The following TIGD6 variants were observed in gnomAD, a reference collection of about 807,000 sequenced individuals.
TIGD6 encodes the protein tigger transposable element derived 6.
Under a neutral mutation model 2.6 loss-of-function variants are expected in TIGD6, and 1 was observed. The ratio of observed to expected loss-of-function variants is 0.39; its 90% confidence interval spans 0.14 to 1.85. The LOEUF (loss-of-function observed/expected upper bound fraction) is 1.85. Ranked by LOEUF, TIGD6 falls within the 40% of genes most tolerant of loss-of-function variation. The probability of loss-of-function intolerance (pLI) is 0.32; values close to 1 mark genes in which losing one functional copy is unlikely to be tolerated. For missense variants in TIGD6, 601 were observed against 634.2 expected (o/e 0.95, Z 0.56); for synonymous variants, 193 against 221.9 (o/e 0.87, Z 1.16).
In TIGD6 at chr5:149,995,732, G is replaced by A. The variant is rs1755368808; in HGVS notation, c.617C>T (p.Ala206Val). 1 of 1,614,212 alleles carries A rather than the reference G, an allele frequency of 6.2e-7. No homozygotes were observed. Among genetic ancestry groups the A allele is most frequent in the African/African-American group, 1.3e-5 (1 of 75,046 alleles). Residue 206 changes from alanine to valine, a missense_variant, in exon 2 of 2, where the codon GCA becomes GTA. Transcript: ENST00000296736. ...KGDHCRGGKKAKQRLTALFCC... is the reference protein window; with the variant it reads ...KGDHCRGGKKVKQRLTALFCC... ...AAAGAGTGCTGTCAACCGCTGCTTT[G>A]CTTTCTTGCCCCCTCTACAGTGGTC...
rs536664945 is a variant in TIGD6 at position 149,994,845 on chromosome 5, T to C, written c.1504A>G (p.Met502Val). The C allele has an allele frequency of 1.1e-5, 18 of 1,582,164 alleles. No homozygotes were observed. Among genetic ancestry groups the C allele is most frequent in the Non-Finnish European group, 1.4e-5 (16 of 1,162,946 alleles). Reference protein sequence around the residue: ...GQLNGIDEYLMKRVTQTLIDS... With the variant: ...GQLNGIDEYLVKRVTQTLIDS... ...ATAAGGGTTTGTGTCACTCTTTTCA[T>C]TAAATATTCATCTATGCCATTTAAT... is the stretch of plus-strand genomic sequence containing the variant. The change falls in exon 2 of 2, where the codon ATG becomes GTG. Residue 502 changes from methionine (M) to valine (V), a missense_variant. Transcript: ENST00000296736.
Position 149,995,323 on chromosome 5 carries a change from C to T in TIGD6, c.1026G>A (p.Glu342=). Residue 342 remains glutamate, a synonymous_variant, in exon 2 of 2, where the codon GAG becomes GAA. Coordinates refer to ENST00000296736, the MANE Select transcript of TIGD6 (RefSeq NM_030953.4). The stretch of plus-strand genomic sequence containing the variant: ...GCTTGATGTCCACCTCTTCTTGATC[C>T]TCACTGCTGTTGAGCTTGAGGAGGA... ...KQILLKLNSS[E]DQEEVDIKQA... The T allele has an allele frequency of 6.2e-7, 1 of 1,614,058 alleles. No homozygotes were observed. Among genetic ancestry groups the T allele is most frequent in the Admixed American group, 1.7e-5 (1 of 60,020 alleles).
chr5:149,998,317 C>CTT (rs1755446062), intron 1 of TIGD6, among the ~76,000 whole-genome samples: 1 of 151,880 alleles, frequency 6.6e-6, no homozygotes, highest in Admixed American at 6.6e-5. Context: ...TAGTACAGTC[C>CTT]CTCTCTGGGC....
At position 149,995,390 on chromosome 5, in the gene TIGD6, T is replaced by G; in HGVS notation, c.959A>C (p.His320Pro). 1 of 1,614,224 alleles carries G rather than the reference T, an allele frequency of 6.2e-7. No homozygotes were observed. The highest frequency in any genetic ancestry group is 8.5e-7 in the Non-Finnish European group (1 of 1,180,036). ...VLQPLNLGII[H>P]TMKVLYQSHL... ...GCTCTGGTACAGTACTTTCATGGTG[T>G]GAATTATGCCAAGATTCAGTGGCTG... The change falls in exon 2 of 2, where the codon CAC (histidine) becomes CCC (proline). Residue 320 changes from histidine (H) to proline (P), a missense_variant. Coordinates refer to ENST00000296736, the MANE Select transcript of TIGD6 (RefSeq NM_030953.4).
chr5:149,995,163 T>C lies in TIGD6; in HGVS notation c.1186A>G (p.Ile396Val). 1 of 1,614,250 alleles carries C rather than the reference T, an allele frequency of 6.2e-7. No homozygotes were observed. Among genetic ancestry groups the C allele is most frequent in the East Asian group, 2.2e-5 (1 of 44,892 alleles). The change falls in exon 2 of 2, where the codon ATT becomes GTT. Residue 396 changes from isoleucine to valine, a missense_variant. By Grantham distance (29) the Ile-to-Val change is conservative. Transcript: ENST00000296736. ...DTESAASEPDIAIEKLWHTVA... is the reference protein window; with the variant it reads ...DTESAASEPDVAIEKLWHTVA... Reference sequence around the variant, plus strand: ...GTGTGCCACAACTTTTCAATGGCAATGTCTGGTTCACTGGCTGCTGATTCT... The same window carrying C: ...GTGTGCCACAACTTTTCAATGGCAACGTCTGGTTCACTGGCTGCTGATTCT...
At chr5:150,000,442 C>G (rs1755517234) in intron 1 of TIGD6, 32 bp downstream of exon 1, 1 of 154,236 alleles carries the variant, frequency 6.5e-6, no homozygotes, top group Non-Finnish European at 1.5e-5. Context: ...GGCCTAGATC[C>G]CTCACGCTCA....
chr5:150,000,639 AGGGCT>A lies in TIGD6; in HGVS notation c.-252_-248del, dbSNP rs1755529269. ...GTTCGTGTGGGTCCGCTCCCAAGCTAGGGCTGGGCTGTTGCGCTTGCGCCAGGGGT... is the reference window on the plus strand; with the variant it reads ...GTTCGTGTGGGTCCGCTCCCAAGCTAGGGCTGTTGCGCTTGCGCCAGGGGT... On this transcript the variant is annotated 5_prime_UTR_variant, in exon 1 of 2. Transcript: ENST00000296736. 6.5e-6 allele frequency: 1 copy of A among 154,688 alleles called. No individual in the cohort carries two copies. Among genetic ancestry groups the A allele is most frequent in the South Asian group, 2.0e-4 (1 of 4,926 alleles). 9.6% of individuals were successfully genotyped at this position (154,688 alleles called of 1,614,324 possible). A position where few individuals can be genotyped will look rare whatever the true frequency, so the allele number is the denominator to read the frequency against.
intron 1 of TIGD6, chr5:149,999,990 A>ACTACATCAGTCCTGCC (rs1755502048): frequency 6.5e-6 from 1 of 154,632 alleles, no homozygotes; most frequent in African/African-American, 2.4e-5. Context: ...TGTGGGGAGA[A>ACTACATCAGTCCTGCC]CTACATCAGT....
intron 1 of TIGD6, 77 bp from the exon 2 acceptor site, chr5:149,996,506 G>T: frequency 2.7e-6 from 3 of 1,101,638 alleles, no homozygotes; most frequent in Non-Finnish European, 3.8e-6. Context: ...TTTACAAATT[G>T]TATTAGGAAA....
In TIGD6 at chr5:149,993,349, G is replaced by A. The variant is rs1329761158; in HGVS notation, c.*1434C>T. The A allele has an allele frequency of 6.6e-6, 1 of 151,946 alleles. No individual in the cohort carries two copies. The highest frequency in any genetic ancestry group is 1.5e-5 in the Non-Finnish European group (1 of 68,004). The allele number at this position is 151,946 out of a possible 1,614,324, so 9.4% of individuals were successfully genotyped here. A position where few individuals can be genotyped will look rare whatever the true frequency, so the allele number is the denominator to read the frequency against. ...TCCAAAAAATTAACCTGAAGCAGGG[G>A]GAAAAATGACATCACACCATTAGCA... On this transcript the variant is annotated 3_prime_UTR_variant, in exon 2 of 2. Transcript: ENST00000296736.
intron 1 of TIGD6, among the ~76,000 whole-genome samples, chr5:149,997,541 AAAC>A (rs1281244299): frequency 1.3e-5 from 2 of 151,348 alleles, no homozygotes; most frequent in Non-Finnish European, 3.0e-5. Context: ...TCTGTCTCAA[AAAC>A]AACAACAACA....
Position 149,995,257 on chromosome 5 carries a change from C to T in TIGD6, c.1092G>A (p.Lys364=). ...DMIAAAWWSV[K]PSTVVKCWQK... is the part of the protein sequence containing the mutation. ...GCCAACATTTCACCACTGTGGATGG[C>T]TTGACTGACCACCACGCTGCAGCAA... The change falls in exon 2 of 2, where the codon AAG becomes AAA. Residue 364 remains lysine (K), a synonymous_variant. Transcript: ENST00000296736. The T allele has an allele frequency of 3.7e-6, 6 of 1,614,242 alleles. No homozygotes were observed. The highest frequency in any genetic ancestry group is 5.1e-6 in the Non-Finnish European group (6 of 1,180,050).
chr5:149,996,167 G>A lies in TIGD6; in HGVS notation c.182C>T (p.Ala61Val). The change falls in exon 2 of 2, where the codon GCA (alanine) becomes GTA (valine). Residue 61 changes from alanine (A) to valine (V), a missense_variant. Physicochemically the swap from Ala to Val is moderately conservative, Grantham distance 64. Transcript: ENST00000296736. ...RTKFEEKVRE[A>V]SVGPQRKRMR... is the part of the protein sequence containing the mutation. Reference sequence around the variant, plus strand: ...CCTTTTCCGCTGGGGTCCCACGGATGCCTCCCGCACCTTTTCTTCAAATTT... The same window carrying A: ...CCTTTTCCGCTGGGGTCCCACGGATACCTCCCGCACCTTTTCTTCAAATTT... 1 of 1,614,142 alleles carries A rather than the reference G, an allele frequency of 6.2e-7. No homozygotes were observed. The highest frequency in any genetic ancestry group is 1.6e-4 in the Middle Eastern group (1 of 6,062).
intron 1 of TIGD6, 76 bp from the exon 2 acceptor site, chr5:149,996,505 T>G: frequency 8.9e-7 from 1 of 1,120,194 alleles, no homozygotes; most frequent in Non-Finnish European, 1.2e-6. Context: ...TTTTACAAAT[T>G]GTATTAGGAA....
intron 1 of TIGD6, chr5:150,000,138 TC>T (rs1755505989): frequency 6.5e-6 from 1 of 154,424 alleles, no homozygotes; most frequent in South Asian, 2.0e-4. Context: ...GAAAGGACAA[TC>T]CAATCCAATC....
chr5:149,993,355 A>G lies in TIGD6; in HGVS notation c.*1428T>C, dbSNP rs1162126519. 1 of 150,188 alleles carries G rather than the reference A, an allele frequency of 6.7e-6. No individual in the cohort carries two copies. Among genetic ancestry groups the G allele is most frequent in the East Asian group, 1.9e-4 (1 of 5,200 alleles). The allele number at this position is 150,188 out of a possible 1,614,324, so 9.3% of individuals were successfully genotyped here. On this transcript the variant is annotated 3_prime_UTR_variant, in exon 2 of 2. Transcript: ENST00000296736. ...AAATTAACCTGAAGCAGGGGGAAAA[A>G]TGACATCACACCATTAGCAGGTATT...
At chr5:150,000,190 T>G (rs796894363) in intron 1 of TIGD6, 13 of 154,594 alleles carry the variant, frequency 8.4e-5, no homozygotes, top group African/African-American at 3.1e-4. Flanking sequence ...GTCATTCAGC[T>G]CAGCTTGAGT....
In TIGD6 at chr5:149,995,827, A is replaced by G; in HGVS notation, c.522T>C (p.Asp174=). The G allele has an allele frequency of 6.2e-7, 1 of 1,614,214 alleles. No homozygotes were observed. The highest frequency in any genetic ancestry group is 2.2e-5 in the East Asian group (1 of 44,886). Residue 174 remains aspartate (D), a synonymous_variant, in exon 2 of 2, where the codon GAT becomes GAC. Coordinates refer to ENST00000296736, the MANE Select transcript of TIGD6 (RefSeq NM_030953.4). Reference sequence around the variant, plus strand: ...CTCCTGTCTCATCAGCATTAAAGATATCATCTGGGCTGTAGTCAGCAATCA... The same window carrying G: ...CTCCTGTCTCATCAGCATTAAAGATGTCATCTGGGCTGTAGTCAGCAATCA... The part of the protein sequence containing the change: ...IKLIADYSPD[D]IFNADETGVF...
Position 149,995,848 on chromosome 5 carries a change from A to C in TIGD6, c.501T>G (p.Ile167Met), listed in dbSNP as rs201913841. 2.6e-5 allele frequency: 42 copies of C among 1,614,180 alleles called. No homozygotes were observed. Among genetic ancestry groups the C allele is most frequent in the Non-Finnish European group, 3.5e-5 (41 of 1,180,026 alleles). The change falls in exon 2 of 2, where the codon ATT becomes ATG. Residue 167 changes from isoleucine to methionine, a missense_variant. Ile to Met is a conservative substitution (Grantham distance 10). Transcript: ENST00000296736. The part of the protein sequence containing the change: ...EWHAGEIIKL[I>M]ADYSPDDIFN... ...AGATATCATCTGGGCTGTAGTCAGC[A>C]ATCAGTTTTATAATTTCCCCTGCAT...
Sources: gnomAD v4.1 joint callset for allele counts (sites outside exome capture counted in the v4.1 genomes callset) on GRCh38, gnomAD v4.1.1 for gene constraint, MANE v1.5 for transcripts, NCBI Gene and HGNC (gene_info 2026-07-23, HGNC 2026-07-21) for gene names.